The following RHCE variants were observed in gnomAD, a reference collection of about 807,000 sequenced individuals.
RHCE encodes Rh blood group CcEe antigens, also known as blood group Rh(CE) polypeptide.
RHCE carries 22 observed loss-of-function variants against 43.8 expected under a neutral mutation model. That is an observed-to-expected ratio of 0.50 (90% CI 0.36 to 0.72). RHCE has a LOEUF of 0.72. Ranked by LOEUF, RHCE falls within the 30% of genes least tolerant of loss-of-function variation. RHCE has a pLI of 0.00. For missense variants in RHCE, 385 were observed against 525.4 expected (o/e 0.73, Z 2.61); for synonymous variants, 156 against 210.7 (o/e 0.74, Z 2.25).
At chr1:25,421,251 C>A (rs919418147), upstream of RHCE, among the ~76,000 whole-genome samples, 10 of 152,050 alleles carry the variant, frequency 6.6e-5, no homozygotes, top group Non-Finnish European at 1.3e-4. Flanking sequence ...ACCCAGTGAG[C>A]TCTTAACAAC....
At chr1:25,414,964 T>C (rs1227631785) in intron 1 of RHCE, among the ~76,000 whole-genome samples, 1 of 152,066 alleles carries the variant, frequency 6.6e-6, no homozygotes, top group Admixed American at 6.6e-5. Flanking sequence ...TATGCAGCAA[T>C]AGGTAATTGA....
chr1:25,409,032 C>A (rs1417202988), intron 1 of RHCE, among the ~76,000 whole-genome samples, 163 bp from the exon 2 acceptor site: 1 of 123,012 alleles, frequency 8.1e-6, no homozygotes, highest in African/African-American at 2.5e-5. Flanking sequence ...ATGTTCTCAA[C>A]TGAATAATGG....
chr1:25,408,254 T>A (rs1308484729), intron 2 of RHCE, among the ~76,000 whole-genome samples: 1 of 116,288 alleles, frequency 8.6e-6, no homozygotes, highest in Non-Finnish European at 1.9e-5. Flanking sequence ...GCCATTGCAC[T>A]CCAGCCTGGG....
At chr1:25,421,875 G>A (rs547653266), upstream of RHCE, among the ~76,000 whole-genome samples, 5 of 152,332 alleles carry the variant, frequency 3.3e-5, no homozygotes, top group African/African-American at 9.6e-5. Flanking sequence ...CTGAATGTGT[G>A]GAGCCCCAGA....
chr1:25,421,329 C>G (rs185888377), upstream of RHCE, among the ~76,000 whole-genome samples: 1 of 152,132 alleles, frequency 6.6e-6, no homozygotes. Flanking sequence ...ACAGATAGGA[C>G]CCACGTAGAA....
intron 6 of RHCE, among the ~76,000 whole-genome samples, chr1:25,388,566 T>G (rs2124411869): frequency 6.6e-6 from 1 of 151,754 alleles, no homozygotes; most frequent in Middle Eastern, 3.4e-3. Flanking sequence ...GCTGCTTTCT[T>G]GAAGCAAAAG....
upstream of RHCE, among the ~76,000 whole-genome samples, chr1:25,421,242 C>T (rs1571933749): frequency 2.6e-5 from 4 of 152,096 alleles, no homozygotes; most frequent in South Asian, 8.3e-4. Context: ...AGAGAGGGCA[C>T]CCAGTGAGCT....
chr1:25,402,175 C>CCTGTCTGTCTGTCTGT lies in RHCE; in HGVS notation c.486+405_486+420dup, dbSNP rs74426100. Among the ~76,000 whole-genome samples the CCTGTCTGTCTGTCTGT allele has an allele frequency of 1.4e-5, 2 of 145,182 alleles. 1 individual carries two copies. The highest frequency in any genetic ancestry group is 4.4e-4 in the South Asian group (2 of 4,586). On this transcript the variant is annotated intron_variant, in intron 3 of 9. Coordinates refer to ENST00000294413, the MANE Select transcript of RHCE (RefSeq NM_020485.8). The stretch of plus-strand genomic sequence containing the variant: ...TACAGGTGTGAGCCACTGTACCCAG[C>CCTGTCTGTCTGTCTGT]CTGTCTGTCTGTCTGTCTGTCTGTC...
chr1:25,381,412 C>G (rs944564334), intron 7 of RHCE, among the ~76,000 whole-genome samples: 2 of 152,020 alleles, frequency 1.3e-5, no homozygotes, highest in Admixed American at 1.3e-4. Flanking sequence ...TAAGCCCTCA[C>G]CAGAACTGTA....
At chr1:25,425,300 T>C (rs1406983972), upstream of RHCE, among the ~76,000 whole-genome samples, 2 of 152,196 alleles carry the variant, frequency 1.3e-5, no homozygotes, top group Non-Finnish European at 2.9e-5. Flanking sequence ...GAACCAATCA[T>C]TTTGCATATG....
At chr1:25,379,471 ATATATATATATATATATATATATATT>A (rs1645898235) in intron 7 of RHCE, among the ~76,000 whole-genome samples, 1 of 9,898 alleles carries the variant, frequency 1.0e-4, no homozygotes, top group African/African-American at 2.9e-4. Context: ...ATATATATAT[ATATATATATATATATATATATATATT>A]TTTTTTTTTT....
At chr1:25,428,096 G>T (rs1053933169) in intron 2 of RHCE, among the ~76,000 whole-genome samples, 1 of 152,188 alleles carries the variant, frequency 6.6e-6, no homozygotes, top group Admixed American at 6.5e-5. Flanking sequence ...TTTTGCCACA[G>T]CATGAGATGC....
chr1:25,385,902 C>A (rs867798582), intron 6 of RHCE, 58 bp from the exon 7 acceptor site: 1 of 1,613,188 alleles, frequency 6.2e-7, no homozygotes, highest in Non-Finnish European at 8.5e-7. Flanking sequence ...TCCCTACCCA[C>A]CCCTTTCACA....
At chr1:25,383,861 T>C (rs1646070640) in intron 7 of RHCE, among the ~76,000 whole-genome samples, 1 of 152,206 alleles carries the variant, frequency 6.6e-6, no homozygotes, top group Non-Finnish European at 1.5e-5. Flanking sequence ...AACTCAGTCA[T>C]GTGGGAAGCG....
At chr1:25,419,161 G>A (rs898377597) in intron 1 of RHCE, among the ~76,000 whole-genome samples, 3 of 152,104 alleles carry the variant, frequency 2.0e-5, no homozygotes, top group African/African-American at 7.2e-5. Flanking sequence ...CACCTCATTG[G>A]GTTATTGTGA....
intron 3 of RHCE, among the ~76,000 whole-genome samples, chr1:25,401,119 G>C (rs1446895310): frequency 6.6e-6 from 1 of 152,134 alleles, no homozygotes; most frequent in East Asian, 1.9e-4. Flanking sequence ...AGTTCTCCCT[G>C]TATTTCTCAG....
At chr1:25,386,666 C>T (rs774623974) in intron 6 of RHCE, among the ~76,000 whole-genome samples, 16 of 152,130 alleles carry the variant, frequency 1.1e-4, no homozygotes, top group Non-Finnish European at 1.6e-4. Context: ...ACTAAAAACA[C>T]AAAAAATTAG....
At chr1:25,416,826 G>T (rs1480044250) in intron 1 of RHCE, among the ~76,000 whole-genome samples, 13 of 148,168 alleles carry the variant, frequency 8.8e-5, no homozygotes, top group East Asian at 3.9e-4. Context: ...TGGCGGGGGG[G>T]GGTCTCCCTA....
chr1:25,376,037 C>T lies in RHCE; in HGVS notation c.1074-609G>A, dbSNP rs1028109614. 5.3e-5 allele frequency among the ~76,000 whole-genome samples: 8 copies of T among 152,184 alleles called. No homozygotes were observed. The South Asian group carries it at 1.5e-3, about 28-fold the overall frequency. On this transcript the variant is annotated intron_variant, in intron 7 of 9. Transcript: ENST00000294413. Reference sequence around the variant, plus strand: ...AACTCCTGACCTCAAGTGATCTGCCCGCCTTGGCCTCCCAAATTGCTGGGA... The same window carrying T: ...AACTCCTGACCTCAAGTGATCTGCCTGCCTTGGCCTCCCAAATTGCTGGGA...
Sources: allele counts gnomAD v4.1 joint callset (sites outside exome capture counted in the v4.1 genomes callset), GRCh38; gene constraint gnomAD v4.1.1; transcripts MANE v1.5; gene names NCBI Gene and HGNC (gene_info 2026-07-23, HGNC 2026-07-21).